The following SPTBN1 variants were observed in gnomAD, a reference collection of about 807,000 sequenced individuals.
The protein encoded by SPTBN1 is spectrin beta chain, non-erythrocytic 1.
Under a neutral mutation model 266.4 loss-of-function variants are expected in SPTBN1, and 32 were observed. That is an observed-to-expected ratio of 0.12 (90% CI 0.09 to 0.16). SPTBN1 has a LOEUF of 0.16. SPTBN1 is among the 10% of genes least tolerant of loss of function. The probability of loss-of-function intolerance (pLI) is 1.00; values close to 1 mark genes in which losing one functional copy is unlikely to be tolerated. For missense variants in SPTBN1, 2,296 were observed against 3,067.1 expected (o/e 0.75, Z 5.94); for synonymous variants, 1,336 against 1,162.2 (o/e 1.15, Z -3.04).
chr2:54,605,003 G>A (rs1029763312), intron 3 of SPTBN1, among the ~76,000 whole-genome samples: 1 of 152,196 alleles, frequency 6.6e-6, no homozygotes, highest in Non-Finnish European at 1.5e-5. Context: ...ACATGTTGCT[G>A]TGGGGACGGA....
chr2:54,469,188 C>A (rs1004454471), intron 1 of SPTBN1, among the ~76,000 whole-genome samples: 1 of 152,174 alleles, frequency 6.6e-6, no homozygotes, highest in African/African-American at 2.4e-5. Context: ...TATTCGGCTT[C>A]TTTCTGAGGA....
chr2:54,629,017 C>T lies in SPTBN1; in HGVS notation c.1883C>T (p.Ala628Val). The change falls in exon 14 of 36, where the codon GCT becomes GTT. Residue 628 changes from alanine (A) to valine (V), a missense_variant. Coordinates refer to ENST00000356805, the MANE Select transcript of SPTBN1 (RefSeq NM_003128.3). ...FCYQELCQLA[A>V]ERRARLEESR... ...TATCAAGAGCTTTGCCAGCTGGCGG[C>T]TGAGCGCAGGGCCCGTCTGGAAGAG... The T allele has an allele frequency of 6.2e-7, 1 of 1,613,786 alleles. No homozygotes were observed. Among genetic ancestry groups the T allele is most frequent in the Non-Finnish European group, 8.5e-7 (1 of 1,180,028 alleles).
intron 1 of SPTBN1, among the ~76,000 whole-genome samples, chr2:54,458,736 A>T (rs1693202777): frequency 6.6e-6 from 1 of 152,230 alleles, no homozygotes; most frequent in South Asian, 2.1e-4. Context: ...GTGGGATGGC[A>T]AATGGGATAT....
At position 54,632,781 on chromosome 2, in the gene SPTBN1, G is replaced by A; in HGVS notation, c.3767+13G>A. ...CTATTGATGACAGGTACAGTTTTCT[G>A]AGGTTCTTAAGGGAGCCTTGCACCT... On this transcript the variant is annotated intron_variant, in intron 17 of 35. Transcript: ENST00000356805. 3 of 1,613,722 alleles carry A rather than the reference G, an allele frequency of 1.9e-6. No individual in the cohort carries two copies. The highest frequency in any genetic ancestry group is 1.3e-5 in the African/African-American group (1 of 75,038).
At chr2:54,512,129 A>G (rs6545419) in intron 1 of SPTBN1, among the ~76,000 whole-genome samples, 31 of 152,066 alleles carry the variant, frequency 2.0e-4, no homozygotes, top group African/African-American at 7.0e-4. Context: ...GGTAGGTATA[A>G]GCAAACTATG....
At chr2:54,471,798 C>G (rs1211779373) in intron 1 of SPTBN1, among the ~76,000 whole-genome samples, 1 of 41,212 alleles carries the variant, frequency 2.4e-5, no homozygotes, top group Non-Finnish European at 4.0e-5. Flanking sequence ...TCTTTTTTAT[C>G]GATTTTTTTT....
intron 4 of SPTBN1, among the ~76,000 whole-genome samples, chr2:54,613,381 T>C (rs1677362709): frequency 6.6e-6 from 1 of 152,246 alleles, no homozygotes; most frequent in Admixed American, 6.5e-5. Flanking sequence ...ATAACTTGCT[T>C]TGTTTTCTTA....
intron 2 of SPTBN1, among the ~76,000 whole-genome samples, chr2:54,550,930 CG>C (rs1362360442): frequency 1.3e-5 from 2 of 152,110 alleles, no homozygotes; most frequent in Non-Finnish European, 2.9e-5. Flanking sequence ...TATGTCTTGA[CG>C]ATGAGATTTG....
At chr2:54,622,895 G>A (rs1028595214) in intron 9 of SPTBN1, among the ~76,000 whole-genome samples, 2 of 152,178 alleles carry the variant, frequency 1.3e-5, no homozygotes, top group African/African-American at 4.8e-5. Flanking sequence ...GTAGCAAAAT[G>A]TGTAAATATT....
intron 2 of SPTBN1, among the ~76,000 whole-genome samples, chr2:54,553,271 G>A (rs1023854209): frequency 1.3e-5 from 2 of 152,180 alleles, no homozygotes; most frequent in Non-Finnish European, 2.9e-5. Context: ...TTGGGAGTTA[G>A]TGGAAAGAAA....
intron 1 of SPTBN1, among the ~76,000 whole-genome samples, chr2:54,475,193 C>T (rs554849467): frequency 2.6e-5 from 4 of 151,932 alleles, no homozygotes; most frequent in Non-Finnish European, 5.9e-5. Flanking sequence ...GTGACAAGAG[C>T]GAAACTCCGT....
intron 1 of SPTBN1, among the ~76,000 whole-genome samples, chr2:54,468,900 C>A (rs79321052): frequency 6.6e-6 from 1 of 152,078 alleles, no homozygotes; most frequent in East Asian, 1.9e-4. Context: ...CATAATGTGT[C>A]GCAGTGGAAT....
intron 2 of SPTBN1, among the ~76,000 whole-genome samples, chr2:54,542,123 G>A (rs558130401): frequency 1.3e-5 from 2 of 152,226 alleles, no homozygotes; most frequent in Admixed American, 1.3e-4. Flanking sequence ...AAATATTTGA[G>A]TACTTAACTA....
rs146174432 is a variant in SPTBN1, at chr2:54,618,018, A to G, written c.648-60A>G. 5.3e-6 allele frequency: 7 copies of G among 1,329,244 alleles called. No homozygotes were observed. In the East Asian group the frequency reaches 1.4e-4, roughly 26 times the overall value. 82.3% of individuals were successfully genotyped at this position (1,329,244 alleles called of 1,614,324 possible). The stretch of plus-strand genomic sequence containing the variant: ...CTTTTTGGAGTAACAGTCATGTTTC[A>G]TTAGTCATATTTCTTTTCAAGCCAT... On this transcript the variant is annotated intron_variant, in intron 6 of 35. Coordinates refer to ENST00000356805, the MANE Select transcript of SPTBN1 (RefSeq NM_003128.3).
intron 33 of SPTBN1, among the ~76,000 whole-genome samples, chr2:54,665,273 G>A (rs1681295843): frequency 1.3e-5 from 2 of 152,210 alleles, no homozygotes; most frequent in African/African-American, 4.8e-5. Context: ...TTGTTGCTGT[G>A]TGAGGGGATC....
intron 1 of SPTBN1, among the ~76,000 whole-genome samples, chr2:54,517,897 G>A (rs950917728): frequency 2.0e-5 from 3 of 151,562 alleles, no homozygotes; most frequent in African/African-American, 7.3e-5. Flanking sequence ...GCCCGCCTCA[G>A]CCTCCCAAAG....
chr2:54,571,788 A>G (rs1487717303), intron 2 of SPTBN1, among the ~76,000 whole-genome samples: 1 of 152,232 alleles, frequency 6.6e-6, no homozygotes, highest in Non-Finnish European at 1.5e-5. Context: ...AGGTAAAGTA[A>G]TATAAGCAGT....
chr2:54,471,476 T>C (rs1693915303), intron 1 of SPTBN1, among the ~76,000 whole-genome samples: 1 of 46,168 alleles, frequency 2.2e-5, no homozygotes, highest in South Asian at 9.8e-4. Context: ...GGTGGTCTGA[T>C]TTTTTTTTTT....
intron 2 of SPTBN1, among the ~76,000 whole-genome samples, chr2:54,584,980 G>A (rs1054832120): frequency 1.3e-5 from 2 of 152,086 alleles, no homozygotes; most frequent in Non-Finnish European, 2.9e-5. Flanking sequence ...ATTCATGGAT[G>A]TTATAAAGAT....
Sources: allele counts gnomAD v4.1 joint callset (sites outside exome capture counted in the v4.1 genomes callset), GRCh38; gene constraint gnomAD v4.1.1; transcripts MANE v1.5; gene names NCBI Gene and HGNC (gene_info 2026-07-23, HGNC 2026-07-21).